The following MFF variants were observed in gnomAD, a reference collection of about 807,000 sequenced individuals.
The protein encoded by MFF is chromosome 2 open reading frame 33.
A neutral mutation model predicts 36.9 loss-of-function variants in MFF; 12 were observed. The observed-to-expected ratio is 0.33, with a 90% CI of 0.21 to 0.53. The LOEUF is 0.53. Among genes scored for constraint, MFF ranks in the 20% least tolerant of loss-of-function variants. The pLI is 0.95. For missense variants in MFF, 348 were observed against 366.6 expected (o/e 0.95, Z 0.42); for synonymous variants, 99 against 126.2 (o/e 0.78, Z 1.44).
At chr2:227,348,620 A>C (rs1324816486) in intron 6 of MFF, among the ~76,000 whole-genome samples, 1 of 152,146 alleles carries the variant, frequency 6.6e-6, no homozygotes, top group Non-Finnish European at 1.5e-5. Flanking sequence ...AAGCTGTAAG[A>C]AGCAGCAAGG....
At chr2:227,347,871 A>G (rs186526892) in intron 6 of MFF, among the ~76,000 whole-genome samples, 1 of 152,352 alleles carries the variant, frequency 6.6e-6, no homozygotes, top group African/African-American at 2.4e-5. Context: ...TTGTTTTGAA[A>G]ATTCCAGGTG....
At chr2:227,327,690 C>G (rs1181816131) in intron 1 of MFF, among the ~76,000 whole-genome samples, 1 of 152,128 alleles carries the variant, frequency 6.6e-6, no homozygotes, top group East Asian at 1.9e-4. Flanking sequence ...AGATGTACTA[C>G]TAGAAAGTTC....
At chr2:227,347,122 G>C in intron 5 of MFF, 104 bp from the exon 6 acceptor site, 1 of 936,766 alleles carries the variant, frequency 1.1e-6, no homozygotes, top group Non-Finnish European at 1.6e-6. Context: ...GGTGGGAAAG[G>C]GGCAAGAACA....
At chr2:227,353,886 C>T (rs1170972696) in intron 7 of MFF, among the ~76,000 whole-genome samples, 2 of 152,034 alleles carry the variant, frequency 1.3e-5, no homozygotes, top group African/African-American at 4.8e-5. Flanking sequence ...TGATTTTTTT[C>T]CTAATTATTC....
chr2:227,349,971 G>T (rs1332224747), intron 6 of MFF, among the ~76,000 whole-genome samples: 1 of 152,026 alleles, frequency 6.6e-6, no homozygotes, highest in African/African-American at 2.4e-5. Flanking sequence ...CTTTCTGCTT[G>T]CTTTATCACT....
At chr2:227,349,087 G>A (rs140515894) in intron 6 of MFF, among the ~76,000 whole-genome samples, 1 of 151,970 alleles carries the variant, frequency 6.6e-6, no homozygotes, top group Non-Finnish European at 1.5e-5. Context: ...TAAAATATCT[G>A]AATGAGAGAG....
chr2:227,348,295 T>C (rs1426251888), intron 6 of MFF, among the ~76,000 whole-genome samples: 1 of 152,184 alleles, frequency 6.6e-6, no homozygotes, highest in Non-Finnish European at 1.5e-5. Context: ...CTTTTTCTTG[T>C]TGAGTGCTTG....
At chr2:227,338,740 G>T (rs944475263) in intron 4 of MFF, among the ~76,000 whole-genome samples, 3 of 151,364 alleles carry the variant, frequency 2.0e-5, no homozygotes, top group Non-Finnish European at 4.4e-5. Context: ...CGAGGCAGGA[G>T]AATTGCTTGA....
intron 7 of MFF, among the ~76,000 whole-genome samples, chr2:227,354,399 C>T (rs1217508048): frequency 6.6e-6 from 1 of 152,140 alleles, no homozygotes; most frequent in African/African-American, 2.4e-5. Context: ...TGCCAATTCT[C>T]TGGACTACAC....
At chr2:227,335,674 G>A (rs73994247) in intron 4 of MFF, among the ~76,000 whole-genome samples, 15,133 of 152,194 alleles carry the variant, frequency 0.099, 1,211 homozygotes, top group African/African-American at 0.21. Context: ...TGATGCAAGG[G>A]ATAAATTTGT....
In MFF at chr2:227,351,018, G is replaced by A. The variant is rs528398000; in HGVS notation, c.600-1496G>A. On this transcript the variant is annotated intron_variant, in intron 6 of 8. Coordinates refer to ENST00000304593, the MANE Select transcript of MFF (RefSeq NM_001277062.2). ...GCGTTATAAAAGGGAAATCTCTGTG[G>A]TGGAATAGGTTGAATATGACAGACC... Among the ~76,000 whole-genome samples the A allele has an allele frequency of 3.3e-5, 5 of 152,276 alleles. No individual in the cohort carries two copies. In the South Asian group the frequency reaches 8.3e-4, roughly 25 times the overall value.
chr2:227,353,559 C>T (rs1350083408), intron 7 of MFF, among the ~76,000 whole-genome samples: 3 of 152,024 alleles, frequency 2.0e-5, no homozygotes, highest in African/African-American at 7.2e-5. Flanking sequence ...TGTCGTTTTC[C>T]CTTATATTTT....
At chr2:227,329,803 G>A (rs1221743457) in intron 2 of MFF, 2 of 1,471,602 alleles carry the variant, frequency 1.4e-6, no homozygotes, top group Non-Finnish European at 9.2e-7. Context: ...ATTTTATTCA[G>A]TTGAGCTGGT....
chr2:227,348,898 A>G (rs1256801819), intron 6 of MFF, among the ~76,000 whole-genome samples: 2 of 152,208 alleles, frequency 1.3e-5, no homozygotes, highest in East Asian at 3.9e-4. Context: ...TTCAAACGAT[A>G]TTGCATATAA....
chr2:227,333,489 T>G (rs985061253), intron 4 of MFF, among the ~76,000 whole-genome samples: 1 of 152,218 alleles, frequency 6.6e-6, no homozygotes, highest in Non-Finnish European at 1.5e-5. Context: ...ATTGTATTAT[T>G]TAACAAACAT....
chr2:227,332,697 C>G (rs1167234613), intron 4 of MFF, 109 bp downstream of exon 4: 1 of 692,534 alleles, frequency 1.4e-6, no homozygotes, highest in African/African-American at 1.8e-5. Flanking sequence ...GAAAGCTTTC[C>G]ATATGGAACA....
chr2:227,335,098 G>T (rs185631473), intron 4 of MFF, among the ~76,000 whole-genome samples: 1 of 151,768 alleles, frequency 6.6e-6, no homozygotes, highest in Non-Finnish European at 1.5e-5. Flanking sequence ...TTGAACCCCG[G>T]GGTGGAGGTA....
intron 4 of MFF, among the ~76,000 whole-genome samples, chr2:227,334,478 G>A (rs2074835369): frequency 6.6e-6 from 1 of 152,168 alleles, no homozygotes; most frequent in African/African-American, 2.4e-5. Flanking sequence ...GAAATTGACT[G>A]AAATAGAGAA....
In MFF at chr2:227,332,475, A is replaced by G; in HGVS notation, c.238A>G (p.Thr80Ala). ...AGCAGATCTTGACCTTATTCAGTCA[A>G]CTCCCTTTAAACCCCTGGCACTGAA... ...RPADLDLIQS[T>A]PFKPLALKTP... Residue 80 changes from threonine to alanine, a missense_variant, in exon 4 of 9, where the codon ACT (threonine) becomes GCT (alanine). By Grantham distance (58) the Thr-to-Ala change is moderately conservative. Transcript: ENST00000304593. 1 of 1,613,012 alleles carries G rather than the reference A, an allele frequency of 6.2e-7. No homozygotes were observed. Among genetic ancestry groups the G allele is most frequent in the Non-Finnish European group, 8.5e-7 (1 of 1,179,516 alleles).
Sources: allele counts gnomAD v4.1 joint callset (sites outside exome capture counted in the v4.1 genomes callset), GRCh38; gene constraint gnomAD v4.1.1; transcripts MANE v1.5; gene names NCBI Gene and HGNC (gene_info 2026-07-23, HGNC 2026-07-21).